The following EPHA7 variants were observed in gnomAD, a reference collection of about 807,000 sequenced individuals.
The protein encoded by EPHA7 is EPH receptor A7.
In EPHA7, 25 loss-of-function variants were observed where a neutral mutation model predicts 112.6. The ratio of observed to expected loss-of-function variants is 0.22; its 90% CI spans 0.16 to 0.31. The LOEUF is 0.31. Ranked by LOEUF, EPHA7 falls within the 10% of genes least tolerant of loss-of-function variation. The pLI, the probability that EPHA7 is intolerant of heterozygous loss-of-function variation, is 1.00. For missense variants in EPHA7, 962 were observed against 1,212.6 expected, an observed-to-expected ratio of 0.79 and a Z score of 3.07; for synonymous variants, 437 against 406.5, an observed-to-expected ratio of 1.07 and a Z score of -0.90.
At chr6:93,400,087 G>A (rs1778366516) in intron 3 of EPHA7, among the ~76,000 whole-genome samples, 1 of 151,882 alleles carries the variant, frequency 6.6e-6, no homozygotes, top group African/African-American at 2.4e-5. Flanking sequence ...TCTCTTCGAG[G>A]ATAAAAGTAC....
intron 5 of EPHA7, among the ~76,000 whole-genome samples, chr6:93,321,980 A>T (rs1774094969): frequency 6.6e-6 from 1 of 151,872 alleles, no homozygotes; most frequent in South Asian, 2.1e-4. Flanking sequence ...CTTCATATTT[A>T]TAATGAGGAC....
intron 3 of EPHA7, among the ~76,000 whole-genome samples, chr6:93,405,099 A>C (rs1778630511): frequency 6.6e-6 from 1 of 151,896 alleles, no homozygotes; most frequent in South Asian, 2.1e-4. Flanking sequence ...AGACAGAACA[A>C]AAGATCACCC....
At chr6:93,351,781 T>C (rs1002600404) in intron 5 of EPHA7, among the ~76,000 whole-genome samples, 1 of 152,028 alleles carries the variant, frequency 6.6e-6, no homozygotes, top group South Asian at 2.1e-4. Flanking sequence ...ACCAGGAACA[T>C]AGTAAGTGTT....
chr6:93,258,357 G>A (rs1770537263), intron 10 of EPHA7, 73 bp from the exon 11 acceptor site: 3 of 1,341,534 alleles, frequency 2.2e-6, no homozygotes, highest in Non-Finnish European at 3.0e-6. Context: ...TAAATGCGTT[G>A]AATTATTTTT....
chr6:93,246,562 G>A (rs1219244462), intron 15 of EPHA7, among the ~76,000 whole-genome samples: 2 of 152,070 alleles, frequency 1.3e-5, no homozygotes, highest in African/African-American at 4.8e-5. Context: ...AGCAGCTAGT[G>A]ATACTTGTAA....
At chr6:93,329,890 G>A (rs1270201132) in intron 5 of EPHA7, among the ~76,000 whole-genome samples, 1 of 150,972 alleles carries the variant, frequency 6.6e-6, no homozygotes, top group Non-Finnish European at 1.5e-5. Context: ...CTCATTCTTG[G>A]AGCAGAAGAT....
chr6:93,248,877 T>C (rs896459818), intron 14 of EPHA7, among the ~76,000 whole-genome samples: 3 of 152,172 alleles, frequency 2.0e-5, no homozygotes, highest in African/African-American at 7.2e-5. Flanking sequence ...ACTTCCCAAA[T>C]ACAATATATG....
intron 3 of EPHA7, among the ~76,000 whole-genome samples, chr6:93,400,444 T>C (rs1161268527): frequency 6.6e-6 from 1 of 152,108 alleles, no homozygotes; most frequent in East Asian, 1.9e-4. Context: ...GTTTTTTAGA[T>C]GTGTTCTATC....
chr6:93,338,065 A>AC (rs1774962074), intron 5 of EPHA7, among the ~76,000 whole-genome samples: 1 of 152,040 alleles, frequency 6.6e-6, no homozygotes, highest in African/African-American at 2.4e-5. Flanking sequence ...AAAGTCTTGA[A>AC]CAGAAAGCCT....
chr6:93,399,684 G>A (rs902114617), intron 3 of EPHA7, among the ~76,000 whole-genome samples: 24 of 151,948 alleles, frequency 1.6e-4, no homozygotes, highest in African/African-American at 5.6e-4. Flanking sequence ...GTGTGTGTGC[G>A]CGTGCACATA....
At chr6:93,348,871 C>A (rs1775544173) in intron 5 of EPHA7, among the ~76,000 whole-genome samples, 1 of 111,994 alleles carries the variant, frequency 8.9e-6, no homozygotes, top group African/African-American at 3.6e-5. Flanking sequence ...AGAGTATGAT[C>A]AAAGGTACCG....
intron 1 of EPHA7, among the ~76,000 whole-genome samples, chr6:93,416,269 G>A (rs1779220078): frequency 6.6e-6 from 1 of 152,114 alleles, no homozygotes; most frequent in Admixed American, 6.5e-5. Flanking sequence ...CAGACATGAA[G>A]CACAGGGAAA....
chr6:93,371,618 T>C (rs1167979383), intron 3 of EPHA7, among the ~76,000 whole-genome samples: 7 of 152,172 alleles, frequency 4.6e-5, no homozygotes. Flanking sequence ...TACTGTTTTC[T>C]CATAGGAAAT....
chr6:93,275,483 C>G (rs567503942), intron 5 of EPHA7, among the ~76,000 whole-genome samples: 56 of 151,826 alleles, frequency 3.7e-4, no homozygotes, highest in Non-Finnish European at 1.0e-4. Context: ...ACTTCCTTTG[C>G]CCTTAAAGAT....
At chr6:93,369,453 A>G (rs1358819040) in intron 3 of EPHA7, among the ~76,000 whole-genome samples, 1 of 152,218 alleles carries the variant, frequency 6.6e-6, no homozygotes. Context: ...TTGTCTGTTA[A>G]AACAAACTCT....
intron 3 of EPHA7, among the ~76,000 whole-genome samples, chr6:93,360,737 C>T (rs1302839584): frequency 3.9e-5 from 6 of 152,002 alleles, no homozygotes; most frequent in Admixed American, 1.3e-4. Context: ...TTTCAAATTA[C>T]GTTGAATTTT....
intron 5 of EPHA7, among the ~76,000 whole-genome samples, chr6:93,286,109 C>A (rs1169863529): frequency 1.3e-5 from 2 of 151,980 alleles, no homozygotes; most frequent in Non-Finnish European, 2.9e-5. Flanking sequence ...TAAGAAAACT[C>A]AAAAAACTAG....
intron 12 of EPHA7, 123 bp from the exon 13 acceptor site, chr6:93,256,160 T>C: frequency 1.3e-6 from 1 of 767,930 alleles, no homozygotes. Context: ...TAATTTTTTA[T>C]ATAATATGGA....
intron 4 of EPHA7, among the ~76,000 whole-genome samples, chr6:93,357,638 A>C (rs1451957497): frequency 6.8e-6 from 1 of 148,000 alleles, no homozygotes; most frequent in African/African-American, 2.5e-5. Flanking sequence ...TTTAATATCC[A>C]TGCAAGACCC....
Sources: gnomAD v4.1 joint callset for allele counts (sites outside exome capture counted in the v4.1 genomes callset) on GRCh38, gnomAD v4.1.1 for gene constraint, MANE v1.5 for transcripts, NCBI Gene and HGNC (gene_info 2026-07-23, HGNC 2026-07-21) for gene names.